The following NEK7 variants were observed in gnomAD, a reference collection of about 807,000 sequenced individuals.
NEK7 encodes the protein serine/threonine-protein kinase Nek7.
NEK7 carries 18 observed loss-of-function variants against 44.6 expected under a neutral mutation model. That is an observed-to-expected ratio of 0.40 (90% CI 0.28 to 0.60). The LOEUF (loss-of-function observed/expected upper bound fraction) is 0.60. Ranked by LOEUF, NEK7 falls within the 20% of genes least tolerant of loss-of-function variation. NEK7 has a pLI of 0.38. For missense variants in NEK7, 256 were observed against 366.5 expected, an observed-to-expected ratio of 0.70 and a Z score of 2.46; for synonymous variants, 130 against 121.1, an observed-to-expected ratio of 1.07 and a Z score of -0.48.
intron 9 of NEK7, among the ~76,000 whole-genome samples, chr1:198,310,214 A>G (rs865955511): frequency 6.6e-6 from 1 of 152,002 alleles, no homozygotes; most frequent in Non-Finnish European, 1.5e-5. Context: ...GCATTTTTTC[A>G]TGTGTTTTTT....
chr1:198,257,363 TAA>T (rs1160430471), intron 3 of NEK7, among the ~76,000 whole-genome samples: 3 of 152,194 alleles, frequency 2.0e-5, no homozygotes, highest in Admixed American at 1.3e-4. Context: ...TTTCTATTAA[TAA>T]GTTACTTTTT....
At chr1:198,183,740 A>C (rs1664834205) in intron 1 of NEK7, among the ~76,000 whole-genome samples, 1 of 152,116 alleles carries the variant, frequency 6.6e-6, no homozygotes. Flanking sequence ...TTATATTTTC[A>C]TTCATTCAGC....
chr1:198,163,968 C>T (rs1043542499), intron 1 of NEK7, among the ~76,000 whole-genome samples: 1 of 152,198 alleles, frequency 6.6e-6, no homozygotes, highest in South Asian at 2.1e-4. Context: ...TGGCTGGGCA[C>T]TGTGGCTCAC....
At chr1:198,249,729 G>A (rs1476041765) in intron 2 of NEK7, among the ~76,000 whole-genome samples, 1 of 145,164 alleles carries the variant, frequency 6.9e-6, no homozygotes, top group African/African-American at 2.6e-5. Flanking sequence ...CTTTTTGATG[G>A]GGTTGTTTGT....
intron 6 of NEK7, 100 bp downstream of exon 6, chr1:198,278,169 G>A (rs1654077406): frequency 1.4e-5 from 9 of 645,384 alleles, no homozygotes; most frequent in South Asian, 1.1e-4. Context: ...TACTTTTTCA[G>A]GTAATTATTT....
intron 1 of NEK7, among the ~76,000 whole-genome samples, chr1:198,190,643 G>T (rs1309536632): frequency 2.0e-5 from 3 of 151,770 alleles, no homozygotes; most frequent in Admixed American, 6.6e-5. Flanking sequence ...TCATTTTTTT[G>T]CATTCTTATA....
At chr1:198,304,349 G>C (rs1654969309) in intron 9 of NEK7, among the ~76,000 whole-genome samples, 1 of 152,026 alleles carries the variant, frequency 6.6e-6, no homozygotes, top group African/African-American at 2.4e-5. Context: ...TGACACTTTG[G>C]TGTACAAGTT....
chr1:198,240,696 G>T (rs74900142), intron 2 of NEK7, among the ~76,000 whole-genome samples: 2 of 115,952 alleles, frequency 1.7e-5, no homozygotes, highest in Non-Finnish European at 3.7e-5. Flanking sequence ...TAATTTTTTT[G>T]TTGTTGTTCT....
chr1:198,319,471 C>T lies in NEK7; in HGVS notation c.858C>T (p.Thr286=), dbSNP rs780017388. 4 of 1,612,964 alleles carry T rather than the reference C, an allele frequency of 2.5e-6. No individual in the cohort carries two copies. Among genetic ancestry groups the T allele is most frequent in the Non-Finnish European group, 2.5e-6 (3 of 1,179,202 alleles). ...NPDPEKRPDV[T]YVYDVAKRMH... is the part of the protein sequence containing the mutation. ...ATCCAGAGAAGCGACCAGACGTCAC[C>T]TATGTTTATGACGTAGCAAAGAGGA... is the stretch of plus-strand genomic sequence containing the variant. The change falls in exon 10 of 10, where the codon ACC becomes ACT. Residue 286 remains threonine, a synonymous_variant. Transcript: ENST00000367385.
chr1:198,186,350 A>G (rs890281712), intron 1 of NEK7, among the ~76,000 whole-genome samples: 2 of 152,220 alleles, frequency 1.3e-5, no homozygotes, highest in Non-Finnish European at 2.9e-5. Context: ...AATTTCCTTT[A>G]AAAGTTTCAA....
At chr1:198,226,707 C>G (rs1666237395) in intron 1 of NEK7, among the ~76,000 whole-genome samples, 1 of 149,272 alleles carries the variant, frequency 6.7e-6, no homozygotes, top group African/African-American at 2.5e-5. Flanking sequence ...TATTGGGGTG[C>G]CTCAGGGCTC....
At chr1:198,178,047 G>C (rs979367616) in intron 1 of NEK7, among the ~76,000 whole-genome samples, 1 of 152,056 alleles carries the variant, frequency 6.6e-6, no homozygotes, top group Non-Finnish European at 1.5e-5. Flanking sequence ...ATTAAAGAGA[G>C]ATCCTCAACT....
chr1:198,190,246 G>A (rs1181843099), intron 1 of NEK7, among the ~76,000 whole-genome samples: 1 of 152,044 alleles, frequency 6.6e-6, no homozygotes. Flanking sequence ...CTGGGAACAT[G>A]TTGTCAGCTT....
intron 2 of NEK7, among the ~76,000 whole-genome samples, chr1:198,237,269 C>CT (rs2102884374): frequency 6.6e-6 from 1 of 152,268 alleles, no homozygotes; most frequent in East Asian, 1.9e-4. Context: ...TTAGTGTTCT[C>CT]TTCCAGTCTC....
intron 1 of NEK7, among the ~76,000 whole-genome samples, chr1:198,192,750 G>A (rs776503811): frequency 1.7e-4 from 26 of 152,100 alleles, no homozygotes; most frequent in Non-Finnish European, 3.2e-4. Flanking sequence ...AAATAAAGAA[G>A]TCCTTTGAAA....
At chr1:198,316,204 A>G (rs1008144045) in intron 9 of NEK7, among the ~76,000 whole-genome samples, 2 of 152,148 alleles carry the variant, frequency 1.3e-5, no homozygotes, top group Admixed American at 6.5e-5. Context: ...ACACAACCAT[A>G]CTGGAGGAAG....
At chr1:198,273,974 A>G (rs187147892) in intron 5 of NEK7, among the ~76,000 whole-genome samples, 2 of 151,578 alleles carry the variant, frequency 1.3e-5, no homozygotes, top group Non-Finnish European at 3.0e-5. Context: ...AAGGTCACAC[A>G]ACCAGTTACT....
At chr1:198,280,401 G>GC (rs1654158592) in intron 7 of NEK7, among the ~76,000 whole-genome samples, 1 of 152,038 alleles carries the variant, frequency 6.6e-6, no homozygotes, top group Non-Finnish European at 1.5e-5. Context: ...ACCTGCACAT[G>GC]CCCCTGCTCA....
At chr1:198,252,528 CTATATATATATATATATATATATA>C (rs1162099133) in intron 2 of NEK7, among the ~76,000 whole-genome samples, 14 of 32,694 alleles carry the variant, frequency 4.3e-4, no homozygotes, top group East Asian at 2.0e-3. Context: ...ATCTCACATA[CTATATATATATATATATATATATA>C]TATATATATA....
Sources: gnomAD v4.1 joint callset for allele counts (sites outside exome capture counted in the v4.1 genomes callset) on GRCh38, gnomAD v4.1.1 for gene constraint, MANE v1.5 for transcripts, NCBI Gene and HGNC (gene_info 2026-07-23, HGNC 2026-07-21) for gene names.